The following ROS1 variants were observed in gnomAD, a reference collection of about 807,000 sequenced individuals.
ROS1 encodes proto-oncogene tyrosine-protein kinase ROS.
A neutral mutation model predicts 273.5 loss-of-function variants in ROS1; 263 were observed. The observed-to-expected ratio is 0.96, with a 90% CI of 0.87 to 1.06. ROS1 has a LOEUF of 1.06. Among genes scored for constraint, ROS1 ranks in the 50% least tolerant of loss-of-function variants. ROS1 has a pLI of 0.00. For missense variants in ROS1, 2,833 were observed against 2,751.1 expected (o/e 1.03, Z -0.67); for synonymous variants, 1,008 against 954.1 (o/e 1.06, Z -1.04).
At chr6:117,379,861 A>C (rs1016541811) in intron 17 of ROS1, among the ~76,000 whole-genome samples, 2 of 152,188 alleles carry the variant, frequency 1.3e-5, no homozygotes. Flanking sequence ...TTTATGTATT[A>C]AAATTGAATA....
At chr6:117,391,696 A>G (rs2066384178) in intron 12 of ROS1, among the ~76,000 whole-genome samples, 1 of 152,222 alleles carries the variant, frequency 6.6e-6, no homozygotes. Context: ...AGAGATGGTT[A>G]GAAGACAGGC....
chr6:117,329,282 T>A, intron 33 of ROS1, 47 bp downstream of exon 33: 1 of 838,058 alleles, frequency 1.2e-6, no homozygotes, highest in Non-Finnish European at 2.0e-6. Flanking sequence ...TTTATAATTA[T>A]CTTCTTAGTT....
rs1389545606 is a variant in ROS1, at chr6:117,418,477, A to G, written c.153T>C (p.His51=). Reference sequence around the variant, plus strand: ...AATTACTTACCGGTTCACTCAGATTATGTGGTGTGCCAAGGTCAAGCTGCT... The same window carrying G: ...AATTACTTACCGGTTCACTCAGATTGTGTGGTGTGCCAAGGTCAAGCTGCT... ...LGQQLDLGTP[H]NLSEPCIQGC... is the part of the protein sequence containing the mutation. Residue 51 remains histidine (H), a synonymous_variant, in exon 2 of 44, where the codon CAT becomes CAC. Transcript: ENST00000368507. 21 of 1,601,702 alleles carry G rather than the reference A, an allele frequency of 1.3e-5. No homozygotes were observed. Among genetic ancestry groups the G allele is most frequent in the Non-Finnish European group, 1.8e-5 (21 of 1,175,342 alleles).
chr6:117,326,091 TTATATA>T (rs56113300), intron 34 of ROS1, 127 bp downstream of exon 34: 23,891 of 147,110 alleles, frequency 0.16, 1,251 homozygotes, highest in Middle Eastern at 0.19. Context: ...GATAATAAGA[TTATATA>T]TATATATATA....
chr6:117,377,975 A>G (rs1781474355), intron 18 of ROS1, among the ~76,000 whole-genome samples: 1 of 152,184 alleles, frequency 6.6e-6, no homozygotes, highest in East Asian at 1.9e-4. Context: ...AAATCACAAT[A>G]TTTACTGCTT....
chr6:117,294,839 T>C (rs758284523), intron 43 of ROS1, among the ~76,000 whole-genome samples: 7 of 152,156 alleles, frequency 4.6e-5, no homozygotes, highest in Admixed American at 1.3e-4. Context: ...AAATATTCCA[T>C]GCTCAAGGAT....
intron 1 of ROS1, among the ~76,000 whole-genome samples, chr6:117,420,500 C>T (rs1775671055): frequency 6.6e-6 from 1 of 150,862 alleles, no homozygotes; most frequent in African/African-American, 2.4e-5. Context: ...TTAATGGGTG[C>T]AGCACACCAA....
rs2273601 is a variant in ROS1 at position 117,409,656 on chromosome 6, G to A, written c.256-14C>T. ...ACACGACTCCCGCTGTGGAAGACAG[G>A]GAGCATGACAGTCAGGGCAGCCTTG... is the stretch of plus-strand genomic sequence containing the variant. On this transcript the variant is annotated splice_polypyrimidine_tract_variant and intron_variant, in intron 4 of 43. Coordinates refer to ENST00000368507, the MANE Select transcript of ROS1 (RefSeq NM_001378902.1). The A allele has an allele frequency of 0.26, 419,611 of 1,609,760 alleles. 59,413 individuals are homozygous for A. Among genetic ancestry groups the A allele is most frequent in the African/African-American group, 0.48 (36,066 of 74,804 alleles).
intron 21 of ROS1, 147 bp from the exon 22 acceptor site, chr6:117,363,012 TC>T: frequency 1.4e-6 from 1 of 729,494 alleles, no homozygotes. Context: ...TTCTTAAAGA[TC>T]TTCAGGAGAG....
intron 18 of ROS1, among the ~76,000 whole-genome samples, chr6:117,371,289 C>T (rs780042427): frequency 8.5e-5 from 13 of 152,124 alleles, no homozygotes; most frequent in Non-Finnish European, 1.8e-4. Context: ...TGTCCACCCC[C>T]GAACACACAT....
chr6:117,373,675 C>T (rs952264625), intron 18 of ROS1, among the ~76,000 whole-genome samples: 13 of 152,208 alleles, frequency 8.5e-5, no homozygotes, highest in African/African-American at 2.4e-4. Flanking sequence ...TCCCTCCACA[C>T]CTCCGCACAA....
chr6:117,321,266 C>T lies in ROS1; in HGVS notation c.5752G>A (p.Ala1918Thr). Residue 1918 changes from alanine to threonine, a missense_variant, in exon 36 of 44, where the codon GCA becomes ACA. Coordinates refer to ENST00000368507, the MANE Select transcript of ROS1 (RefSeq NM_001378902.1). ...ATGGCCAAAGCTACATACTGTATTGCATAGCAGGCATTAGCCAGGCCTACT... is the reference window on the plus strand; with the variant it reads ...ATGGCCAAAGCTACATACTGTATTGTATAGCAGGCATTAGCCAGGCCTACT... Reference protein sequence around the residue: ...AGVGLANACYAIHTLPTQEEI... With the variant: ...AGVGLANACYTIHTLPTQEEI... 6.2e-7 allele frequency: 1 copy of T among 1,613,666 alleles called. No individual in the cohort carries two copies.
intron 1 of ROS1, among the ~76,000 whole-genome samples, chr6:117,424,409 C>T (rs1775989417): frequency 6.6e-6 from 1 of 151,590 alleles, no homozygotes; most frequent in Admixed American, 6.6e-5. Flanking sequence ...TTCTGTAGTT[C>T]TCTATGTTAT....
intron 19 of ROS1, 31 bp downstream of exon 19, chr6:117,366,045 G>A (rs368325508): frequency 1.3e-6 from 2 of 1,500,308 alleles, no homozygotes; most frequent in African/African-American, 2.8e-5. Context: ...AGGTATAGTG[G>A]AGTAGGGTAA....
chr6:117,317,952 T>A (rs1007565877), intron 38 of ROS1, among the ~76,000 whole-genome samples: 31 of 152,142 alleles, frequency 2.0e-4, no homozygotes, highest in Non-Finnish European at 1.6e-4. Context: ...TTGCAAAACA[T>A]GCTCCTTATT....
chr6:117,418,752 A>G (rs1775530611), intron 1 of ROS1, among the ~76,000 whole-genome samples: 1 of 152,204 alleles, frequency 6.6e-6, no homozygotes, highest in African/African-American at 2.4e-5. Flanking sequence ...GAATGTGGCT[A>G]TAGGGAGAGA....
rs1261025826 is a variant in ROS1, at chr6:117,385,689, T to C, written c.2283A>G (p.Thr761=). 1.2e-6 allele frequency: 2 copies of C among 1,613,864 alleles called. No homozygotes were observed. Among genetic ancestry groups the C allele is most frequent in the African/African-American group, 2.7e-5 (2 of 74,850 alleles). ...LGHFLYWAGK[T]YVIQRQSVLT... is the part of the protein sequence containing the mutation. ...ATGCCATGCTTTAACTCACCACATA[T>C]GTCTTTCCAGCCCAGTAGAGAAAGT... The change falls in exon 16 of 44, where the codon ACA becomes ACG. Residue 761 remains threonine, a synonymous_variant. Coordinates refer to ENST00000368507, the MANE Select transcript of ROS1 (RefSeq NM_001378902.1).
chr6:117,391,815 C>T (rs1002124250), intron 12 of ROS1, among the ~76,000 whole-genome samples: 9 of 152,090 alleles, frequency 5.9e-5, no homozygotes, highest in African/African-American at 1.9e-4. Context: ...GGAATCAACC[C>T]GTGTTTCCCT....
At chr6:117,358,815 C>T (rs527252642) in intron 24 of ROS1, among the ~76,000 whole-genome samples, 1 of 152,170 alleles carries the variant, frequency 6.6e-6, no homozygotes, top group Non-Finnish European at 1.5e-5. Flanking sequence ...ACCTCATGCT[C>T]ATCCCCTCAC....
Sources: allele counts gnomAD v4.1 joint callset (sites outside exome capture counted in the v4.1 genomes callset), GRCh38; gene constraint gnomAD v4.1.1; transcripts MANE v1.5; gene names NCBI Gene and HGNC (gene_info 2026-07-23, HGNC 2026-07-21).